Variants in ZC3H7A observed in about 807,000 individuals in gnomAD.
The protein encoded by ZC3H7A is zinc finger CCCH domain-containing protein 7A.
A neutral mutation model predicts 125.5 loss-of-function variants in ZC3H7A; 44 were observed. That is an observed-to-expected ratio of 0.35 (90% CI 0.28 to 0.45). ZC3H7A has a LOEUF of 0.45. ZC3H7A is among the 20% of genes least tolerant of loss of function. ZC3H7A has a pLI of 1.00. For missense variants in ZC3H7A, 977 were observed against 1,170.7 expected (o/e 0.83, Z 2.41); for synonymous variants, 399 against 391.2 (o/e 1.02, Z -0.23).
chr16:11,762,814 A>G (rs2052774520), intron 16 of ZC3H7A, 67 bp from the exon 17 acceptor site: 1 of 1,507,352 alleles, frequency 6.6e-7, no homozygotes, highest in Non-Finnish European at 9.2e-7. Context: ...ATCTGGGTGC[A>G]GTCAGACGTG....
Position 11,752,734 on chromosome 16 carries a change from G to A in ZC3H7A, c.2661C>T (p.His887=), listed in dbSNP as rs368538299. 6.5e-5 allele frequency: 105 copies of A among 1,614,184 alleles called. No individual in the cohort carries two copies. In the African/African-American group the frequency reaches 1.2e-3, roughly 18 times the overall value. Residue 887 remains histidine (H), a synonymous_variant, in exon 22 of 23, where the codon CAC becomes CAT. Transcript: ENST00000355758. Reference sequence around the variant, plus strand: ...GCCAGCAGTACTGGTCGTCCTCGGTGTGGAAAACCTTCTCTTTGTGCTTCT... The same window carrying A: ...GCCAGCAGTACTGGTCGTCCTCGGTATGGAAAACCTTCTCTTTGTGCTTCT... ...SSEKHKEKVF[H]TEDDQYCWQH... is the part of the protein sequence containing the mutation.
intron 5 of ZC3H7A, 98 bp from the exon 6 acceptor site, chr16:11,776,630 C>T: frequency 6.7e-7 from 1 of 1,492,580 alleles, no homozygotes; most frequent in East Asian, 2.3e-5. Flanking sequence ...ACACCTGCTT[C>T]ATTAGCATTT....
intron 15 of ZC3H7A, among the ~76,000 whole-genome samples, chr16:11,764,538 G>C (rs556950147): frequency 6.6e-6 from 1 of 151,980 alleles, no homozygotes. Flanking sequence ...AACAGAAAAA[G>C]ACTTCGTCTC....
intron 17 of ZC3H7A, 96 bp from the exon 18 acceptor site, chr16:11,762,139 T>C: frequency 2.4e-6 from 3 of 1,267,336 alleles, no homozygotes; most frequent in Non-Finnish European, 3.2e-6. Context: ...TTCACAATAG[T>C]ATACAATTTC....
At position 11,756,375 on chromosome 16, in the gene ZC3H7A, A is replaced by T; in HGVS notation, c.2429-5T>A. 2 of 1,606,280 alleles carry T rather than the reference A, an allele frequency of 1.2e-6. No homozygotes were observed. Among genetic ancestry groups the T allele is most frequent in the Non-Finnish European group, 1.7e-6 (2 of 1,178,008 alleles). ...AAAATTGCTCCATATCTTGTACTAA[A>T]GAAAAATGAATTACTTTCAGCAGCA... is the stretch of plus-strand genomic sequence containing the variant. On this transcript the variant is annotated splice_polypyrimidine_tract_variant and splice_region_variant and intron_variant, in intron 20 of 22. Coordinates refer to ENST00000355758, the MANE Select transcript of ZC3H7A (RefSeq NM_014153.4).
chr16:11,783,984 G>A (rs574879704), intron 1 of ZC3H7A, among the ~76,000 whole-genome samples: 1 of 137,320 alleles, frequency 7.3e-6, no homozygotes, highest in East Asian at 2.5e-4. Flanking sequence ...AACAAAAAAG[G>A]GGGGGGCTGT....
At position 11,765,189 on chromosome 16, in the gene ZC3H7A, C is replaced by G; in HGVS notation, c.1720-36G>C. The G allele has an allele frequency of 7.6e-7, 1 of 1,321,084 alleles. No homozygotes were observed. Among genetic ancestry groups the G allele is most frequent in the South Asian group, 1.4e-5 (1 of 71,876 alleles). The allele number at this position is 1,321,084 out of a possible 1,614,324, so 81.8% of individuals were successfully genotyped here. On this transcript the variant is annotated intron_variant, in intron 14 of 22. Coordinates refer to ENST00000355758, the MANE Select transcript of ZC3H7A (RefSeq NM_014153.4). The surrounding 1 kb of genome is among the most constrained non-coding windows in gnomAD (Gnocchi z 4.8). ...GAGAGAAAGATTATCAAAAAAAATA[C>G]AAAATATAAATTTTGTACCCAGAAT...
At chr16:11,793,771 T>C (rs2053389988) in intron 1 of ZC3H7A, among the ~76,000 whole-genome samples, 1 of 152,186 alleles carries the variant, frequency 6.6e-6, no homozygotes, top group African/African-American at 2.4e-5. Context: ...TGATAAGACA[T>C]TAAAGTTGTT....
At position 11,750,603 on chromosome 16, in the gene ZC3H7A, T is replaced by C. The variant is rs2052539544; in HGVS notation, c.*714A>G. The C allele has an allele frequency of 6.6e-6, 1 of 152,486 alleles. No individual in the cohort carries two copies. The highest frequency in any genetic ancestry group is 1.5e-5 in the Non-Finnish European group (1 of 68,044). 9.4% of individuals were successfully genotyped at this position (152,486 alleles called of 1,614,324 possible). On this transcript the variant is annotated 3_prime_UTR_variant, in exon 23 of 23. Coordinates refer to ENST00000355758, the MANE Select transcript of ZC3H7A (RefSeq NM_014153.4). ...GGAAAAAATGAAAGGCATCTATATA[T>C]AAAATCTTTATTACAGGCAGTATTG...
At position 11,751,416 on chromosome 16, in the gene ZC3H7A, G is replaced by C; in HGVS notation, c.2817C>G (p.Ala939=). 6.2e-7 allele frequency: 1 copy of C among 1,613,986 alleles called. No homozygotes were observed. Among genetic ancestry groups the C allele is most frequent in the Non-Finnish European group, 8.5e-7 (1 of 1,179,998 alleles). Residue 939 remains alanine (A), a synonymous_variant, in exon 23 of 23, where the codon GCC becomes GCG. Coordinates refer to ENST00000355758, the MANE Select transcript of ZC3H7A (RefSeq NM_014153.4). ...GTGCTTTGTTGAGCTTCATCTTTAG[G>C]GCATCTCTTCTTTCTTCCCATTCAT... ...ELHEWEERRD[A]LKMKLNKARK...
chr16:11,764,709 G>A (rs1365619689), intron 15 of ZC3H7A, among the ~76,000 whole-genome samples: 3 of 152,052 alleles, frequency 2.0e-5, no homozygotes, highest in Admixed American at 6.5e-5. Flanking sequence ...GTGACAGAGC[G>A]AGACTCTGTC....
chr16:11,770,173 T>A (rs978276871), intron 10 of ZC3H7A, among the ~76,000 whole-genome samples: 1 of 152,166 alleles, frequency 6.6e-6, no homozygotes, highest in African/African-American at 2.4e-5. Flanking sequence ...AGTCAATCTT[T>A]AAGTCAATTA....
chr16:11,778,863 G>A (rs1301625374), intron 4 of ZC3H7A, among the ~76,000 whole-genome samples: 2 of 151,966 alleles, frequency 1.3e-5, no homozygotes, highest in South Asian at 2.1e-4. Context: ...ACATGCACAC[G>A]CCACCATGCC....
rs756321480 is a variant in ZC3H7A at position 11,779,373 on chromosome 16, A to G, written c.109-10T>C. The G allele has an allele frequency of 6.2e-7, 1 of 1,604,328 alleles. No homozygotes were observed. Among genetic ancestry groups the G allele is most frequent in the Non-Finnish European group, 8.5e-7 (1 of 1,177,350 alleles). On this transcript the variant is annotated splice_polypyrimidine_tract_variant and intron_variant, in intron 3 of 22. Coordinates refer to ENST00000355758, the MANE Select transcript of ZC3H7A (RefSeq NM_014153.4). ...GAGCACGCAAATATACCTAAAAAAA[A>G]GAAAGTTACCACTTGAAGCCTTTTA... is the stretch of plus-strand genomic sequence containing the variant.
chr16:11,762,932 T>G, intron 16 of ZC3H7A, 185 bp from the exon 17 acceptor site: 1 of 527,844 alleles, frequency 1.9e-6, no homozygotes, highest in Non-Finnish European at 3.3e-6. Flanking sequence ...CAGCTCTTTG[T>G]GCCTTCTGAG....
At chr16:11,779,953 C>G (rs1429262386) in intron 3 of ZC3H7A, among the ~76,000 whole-genome samples, 1 of 151,434 alleles carries the variant, frequency 6.6e-6, no homozygotes, top group African/African-American at 2.4e-5. Context: ...TTTTACGGAC[C>G]CCTTGTATTT....
chr16:11,763,402 C>T, intron 16 of ZC3H7A, 76 bp downstream of exon 16: 1 of 1,457,764 alleles, frequency 6.9e-7, no homozygotes, highest in Admixed American at 2.0e-5. Flanking sequence ...AGCCACCACG[C>T]CAGGCCCAAA....
At chr16:11,769,784 C>CTTTTTTTT (rs200241879) in intron 10 of ZC3H7A, among the ~76,000 whole-genome samples, 643 of 61,548 alleles carry the variant, frequency 0.01, 94 homozygotes, top group African/African-American at 0.019. Context: ...CAATTGCTTT[C>CTTTTTTTT]TTTTTTTTTT....
At chr16:11,777,202 T>G (rs559547548) in intron 4 of ZC3H7A, among the ~76,000 whole-genome samples, 1 of 152,178 alleles carries the variant, frequency 6.6e-6, no homozygotes, top group African/African-American at 2.4e-5. Context: ...CTAACTGATG[T>G]CCCCATGTGT....
Sources: allele counts gnomAD v4.1 joint callset (sites outside exome capture counted in the v4.1 genomes callset), GRCh38; gene constraint gnomAD v4.1.1; non-coding constraint Gnocchi (gnomAD v3.1); transcripts MANE v1.5; gene names NCBI Gene and HGNC (gene_info 2026-07-23, HGNC 2026-07-21).